Variants in TEX9 observed in about 807,000 individuals in gnomAD.
The protein encoded by TEX9 is testis-expressed protein 9.
In TEX9, 74 loss-of-function variants were observed where a neutral mutation model predicts 59.6. That is an observed-to-expected ratio of 1.24 (90% confidence interval 1.03 to 1.51). The LOEUF (loss-of-function observed/expected upper bound fraction) is 1.51. Ranked by LOEUF, TEX9 falls within the 40% of genes most tolerant of loss-of-function variation. The pLI, the probability that TEX9 is intolerant of heterozygous loss-of-function variation, is 0.00. For synonymous variants in TEX9, 186 were observed against 152.2 expected (o/e 1.22, Z -1.64); for missense variants, 522 against 447.8 (o/e 1.17, Z -1.49).
intron 1 of TEX9, among the ~76,000 whole-genome samples, chr15:56,333,693 A>G (rs2046203978): frequency 6.6e-6 from 1 of 152,210 alleles, no homozygotes; most frequent in African/African-American, 2.4e-5. Context: ...GACAAGAGAA[A>G]GAAATAAAGG....
intron 1 of TEX9, among the ~76,000 whole-genome samples, chr15:56,339,106 G>A (rs1315931174): frequency 1.3e-5 from 2 of 151,788 alleles, no homozygotes; most frequent in African/African-American, 4.8e-5. Flanking sequence ...ATACAGGCCT[G>A]GTGTGGTGGC....
intron 10 of TEX9, among the ~76,000 whole-genome samples, chr15:56,420,952 T>C (rs2049949773): frequency 6.6e-6 from 1 of 151,930 alleles, no homozygotes. Context: ...ATACTTTTTT[T>C]TGGCCCAGAA....
At chr15:56,428,845 G>T (rs2050456516) in intron 12 of TEX9, 2 of 418,856 alleles carry the variant, frequency 4.8e-6, no homozygotes, top group South Asian at 7.8e-5. Flanking sequence ...TAAATATACT[G>T]TCTTGAGGAT....
rs1226000243 is a variant in TEX9 at position 56,394,564 on chromosome 15, A to C, written c.655-97A>C. 25 of 915,710 alleles carry C rather than the reference A, an allele frequency of 2.7e-5. No homozygotes were observed. In the Middle Eastern group the frequency reaches 2.4e-3, roughly 88 times the overall value. 56.7% of individuals were successfully genotyped at this position (915,710 alleles called of 1,614,324 possible). ...AATTTGTTTTTCATGAAACGTGTAT[A>C]AATATCAAAGAACATATGAAACGTC... On this transcript the variant is annotated intron_variant, in intron 8 of 12. Coordinates refer to ENST00000352903, the Ensembl canonical transcript of TEX9.
chr15:56,420,596 TCA>T lies in TEX9; in HGVS notation c.964-7007_964-7006del, dbSNP rs371888820. On this transcript the variant is annotated intron_variant, in intron 10 of 12. Coordinates refer to ENST00000352903, the Ensembl canonical transcript of TEX9. ...GCTGGGATTAAACAGATGTGAGCCA[TCA>T]CGCCTGGCCTCTTTTTCTAATTTTT... 3.1e-3 allele frequency among the ~76,000 whole-genome samples: 465 copies of T among 152,000 alleles called. 8 individuals are homozygous for T. Among genetic ancestry groups the T allele is most frequent in the African/African-American group, 0.011 (445 of 41,290 alleles).
intron 11 of TEX9, 152 bp downstream of exon 11, chr15:56,427,891 C>G (rs2050389676): frequency 1.7e-6 from 1 of 601,262 alleles, no homozygotes; most frequent in Non-Finnish European, 2.7e-6. Context: ...TGAAATCTAA[C>G]ATTTATAGTG....
chr15:56,246,138 CTGAG>C (rs750860280), intron 1 of TEX9, among the ~76,000 whole-genome samples: 1 of 152,302 alleles, frequency 6.6e-6, no homozygotes, highest in East Asian at 1.9e-4. Flanking sequence ...AGTGCAACTT[CTGAG>C]AGTTTTTAAT....
chr15:56,381,981 GC>G (rs759830916), intron 3 of TEX9, among the ~76,000 whole-genome samples: 7 of 152,222 alleles, frequency 4.6e-5, no homozygotes, highest in Non-Finnish European at 7.3e-5. Context: ...GTCCAGAGAT[GC>G]TGTCTGGTAG....
intron 1 of TEX9, among the ~76,000 whole-genome samples, chr15:56,346,498 A>G (rs1489999472): frequency 2.0e-5 from 3 of 152,196 alleles, no homozygotes; most frequent in African/African-American, 7.2e-5. Flanking sequence ...AAGCCCCAGA[A>G]TTAAGTCAGT....
intron 9 of TEX9, chr15:56,395,662 T>C (rs1243753804): frequency 6.6e-6 from 1 of 152,188 alleles, no homozygotes; most frequent in African/African-American, 2.4e-5. Flanking sequence ...ATTATAGCCA[T>C]ACTGCAAGTG....
At chr15:56,438,219 T>G (rs2050761288) in intron 12 of TEX9, among the ~76,000 whole-genome samples, 1 of 152,052 alleles carries the variant, frequency 6.6e-6, no homozygotes, top group Admixed American at 6.6e-5. Flanking sequence ...CAAACTATAC[T>G]ACAAGGCTAC....
intron 1 of TEX9, among the ~76,000 whole-genome samples, chr15:56,309,264 T>C (rs1208301609): frequency 1.3e-5 from 2 of 152,236 alleles, no homozygotes; most frequent in East Asian, 3.8e-4. Flanking sequence ...AGGTTTTTTA[T>C]TAAGAAAGGA....
At chr15:56,379,182 T>TA (rs1204330280) in intron 3 of TEX9, among the ~76,000 whole-genome samples, 2 of 152,190 alleles carry the variant, frequency 1.3e-5, no homozygotes, top group African/African-American at 4.8e-5. Flanking sequence ...TGTAGGCACT[T>TA]ACAGCTGCAT....
chr15:56,275,133 T>C (rs2044639051), intron 1 of TEX9, among the ~76,000 whole-genome samples: 1 of 152,114 alleles, frequency 6.6e-6, no homozygotes, highest in South Asian at 2.1e-4. Flanking sequence ...ACTCCAGTAC[T>C]AGCAAAAAAT....
At chr15:56,346,901 G>A (rs56319062) in intron 1 of TEX9, among the ~76,000 whole-genome samples, 47,255 of 152,006 alleles carry the variant, frequency 0.31, 8,033 homozygotes, top group Middle Eastern at 0.48. Context: ...CAAGATAAAC[G>A]TACAAAAGAA....
At chr15:56,436,286 C>T (rs1298394113) in intron 12 of TEX9, among the ~76,000 whole-genome samples, 4 of 152,156 alleles carry the variant, frequency 2.6e-5, no homozygotes, top group African/African-American at 9.7e-5. Flanking sequence ...CAAACTAGAA[C>T]TCAGGATTAA....
chr15:56,446,888 T>C, downstream of TEX9: 1 of 1,610,806 alleles, frequency 6.2e-7, no homozygotes, highest in Non-Finnish European at 8.5e-7. Flanking sequence ...TGAGCTGCCC[T>C]TTCTTTATTC....
intron 3 of TEX9, among the ~76,000 whole-genome samples, chr15:56,381,719 C>A (rs1210601241): frequency 6.6e-6 from 1 of 152,228 alleles, no homozygotes; most frequent in Non-Finnish European, 1.5e-5. Flanking sequence ...GTCTCTTTCT[C>A]TCTGTGCTGA....
chr15:56,301,420 A>G (rs1246229429), intron 1 of TEX9, among the ~76,000 whole-genome samples: 1 of 152,164 alleles, frequency 6.6e-6, no homozygotes, highest in Non-Finnish European at 1.5e-5. Context: ...GAAAGATATC[A>G]ATATTCAAGT....
Sources: allele counts gnomAD v4.1 joint callset (sites outside exome capture counted in the v4.1 genomes callset), GRCh38; gene constraint gnomAD v4.1.1; transcripts MANE v1.5; gene names NCBI Gene and HGNC (gene_info 2026-07-23, HGNC 2026-07-21).